The following CCDC68 variants were observed in gnomAD, a reference collection of about 807,000 sequenced individuals.
The protein encoded by CCDC68 is coiled-coil domain containing 68, also known as coiled-coil domain-containing protein 68.
CCDC68 carries 45 observed loss-of-function variants against 47.1 expected under a neutral mutation model. The observed-to-expected ratio is 0.96, with a 90% CI of 0.75 to 1.23. CCDC68 has a LOEUF of 1.23. Among genes scored for constraint, CCDC68 ranks in the 50% most tolerant of loss-of-function variants. CCDC68 has a pLI of 0.00. For missense variants in CCDC68, 353 were observed against 373.6 expected, an observed-to-expected ratio of 0.94 and a Z score of 0.45; for synonymous variants, 131 against 129.5, an observed-to-expected ratio of 1.01 and a Z score of -0.08.
chr18:54,913,511 T>C (rs970709495), intron 10 of CCDC68, among the ~76,000 whole-genome samples: 1 of 152,294 alleles, frequency 6.6e-6, no homozygotes, highest in Middle Eastern at 3.4e-3. Context: ...AGAAATTTAT[T>C]TACTATGAGG....
chr18:54,904,146 C>T lies in CCDC68; in HGVS notation c.*212G>A. On this transcript the variant is annotated 3_prime_UTR_variant, in exon 12 of 12. Transcript: ENST00000591504. ...TCCATCATGAGAAGGCACCTGGTTTCTTCAACTATTTGGTAAGTTTTGAAG... is the reference window on the plus strand; with the variant it reads ...TCCATCATGAGAAGGCACCTGGTTTTTTCAACTATTTGGTAAGTTTTGAAG... 1.1e-5 allele frequency: 4 copies of T among 380,752 alleles called. No individual in the cohort carries two copies. 23.6% of individuals were successfully genotyped at this position (380,752 alleles called of 1,614,324 possible). A position where few individuals can be genotyped will look rare whatever the true frequency, so the allele number is the denominator to read the frequency against.
chr18:54,926,081 G>A (rs1425883278), intron 8 of CCDC68, among the ~76,000 whole-genome samples: 2 of 152,176 alleles, frequency 1.3e-5, no homozygotes, highest in Admixed American at 6.5e-5. Flanking sequence ...TGCAACCTCA[G>A]CTTCAAGGTC....
intron 8 of CCDC68, among the ~76,000 whole-genome samples, chr18:54,922,326 A>C (rs2044074822): frequency 6.6e-6 from 1 of 152,146 alleles, no homozygotes; most frequent in Non-Finnish European, 1.5e-5. Flanking sequence ...GATGTTGGCA[A>C]ACATTCTGAA....
rs572864957 is a variant in CCDC68, at chr18:54,932,451, A to C, written c.600+2369T>G. Among the ~76,000 whole-genome samples, 17 of 152,152 alleles carry C rather than the reference A, an allele frequency of 1.1e-4. No individual in the cohort carries two copies. The East Asian group carries it at 3.1e-3, about 28-fold the overall frequency. ...AGCGATCCTCCTGCCTCAGCCTCCC[A>C]AAATGCTGGAATTACAGGCGTGAGC... On this transcript the variant is annotated intron_variant, in intron 7 of 11. Coordinates refer to ENST00000591504, the MANE Select transcript of CCDC68 (RefSeq NM_025214.3).
At chr18:54,904,961 C>T (rs1439285722) in intron 11 of CCDC68, among the ~76,000 whole-genome samples, 1 of 152,020 alleles carries the variant, frequency 6.6e-6, no homozygotes, top group Non-Finnish European at 1.5e-5. Context: ...CTCAAGCAAA[C>T]CACTCAAGAA....
intron 5 of CCDC68, 93 bp from the exon 6 acceptor site, chr18:54,937,051 A>G (rs1483601436): frequency 5.1e-6 from 6 of 1,185,134 alleles, no homozygotes; most frequent in Middle Eastern, 1.9e-4. Flanking sequence ...CACCAAAGGT[A>G]TAACTATACC....
intron 7 of CCDC68, 61 bp downstream of exon 7, chr18:54,934,759 T>C (rs1439979565): frequency 1.6e-6 from 2 of 1,222,422 alleles, no homozygotes; most frequent in Non-Finnish European, 2.2e-6. Context: ...TAGTATTATT[T>C]TATTTCATTC....
At chr18:54,917,840 GACACACAC>G (rs59686916) in intron 10 of CCDC68, 65 bp downstream of exon 10, 441,517 of 724,180 alleles carry the variant, frequency 0.61, 95,407 homozygotes, top group Admixed American at 0.67. Context: ...CACGTGCACA[GACACACAC>G]ACACACACAC....
chr18:54,943,086 A>C (rs1281741488), intron 2 of CCDC68: 1 of 246,470 alleles, frequency 4.1e-6, no homozygotes, highest in African/African-American at 2.3e-5. Flanking sequence ...GTAAAATCTA[A>C]AATCTCAGAC....
At chr18:54,914,205 T>C (rs1457985899) in intron 10 of CCDC68, among the ~76,000 whole-genome samples, 1 of 152,216 alleles carries the variant, frequency 6.6e-6, no homozygotes, top group African/African-American at 2.4e-5. Context: ...ATGGGTGTAG[T>C]AACATCCACT....
rs1488896871 is a variant in CCDC68, at chr18:54,941,006, T to C, written c.195A>G (p.Leu65=). 1.2e-6 allele frequency: 2 copies of C among 1,604,148 alleles called. No individual in the cohort carries two copies. Among genetic ancestry groups the C allele is most frequent in the South Asian group, 1.1e-5 (1 of 90,678 alleles). The change falls in exon 4 of 12, where the codon CTA becomes CTG. Residue 65 remains leucine, a synonymous_variant. Coordinates refer to ENST00000591504, the MANE Select transcript of CCDC68 (RefSeq NM_025214.3). ...EIRHDSTNHK[L]DAKHCGNLQQ... is the part of the protein sequence containing the mutation. ...TGCAGGAAATTATTACCTTTGCATC[T>C]AGTTTGTGATTTGTACTGTCATGTC...
In CCDC68 at chr18:54,919,255, A is replaced by C. The variant is rs781032635; in HGVS notation, c.789+16T>G. The C allele has an allele frequency of 5.0e-6, 8 of 1,594,966 alleles. No homozygotes were observed. The highest frequency in any genetic ancestry group is 1.7e-5 in the Admixed American group (1 of 59,978). The stretch of plus-strand genomic sequence containing the variant: ...AACATACTGTCTACCAGATAAATAC[A>C]CTTGATTAATCTGACCTCCTGGATG... On this transcript the variant is annotated intron_variant, in intron 9 of 11. Coordinates refer to ENST00000591504, the MANE Select transcript of CCDC68 (RefSeq NM_025214.3).
rs1199109225 is a variant in CCDC68, at chr18:54,936,906, C to A, written c.398G>T (p.Arg133Ile). The A allele has an allele frequency of 6.2e-7, 1 of 1,614,160 alleles. No individual in the cohort carries two copies. The highest frequency in any genetic ancestry group is 1.1e-5 in the South Asian group (1 of 91,082). Residue 133 changes from arginine to isoleucine, a missense_variant, in exon 6 of 12, where the codon AGA becomes ATA. Transcript: ENST00000591504. ...TTGCGTTTGGTAGTTTTCAAATAATCTCTGGGCCACGTTTCTCAGAGCTGC... is the reference window on the plus strand; with the variant it reads ...TTGCGTTTGGTAGTTTTCAAATAATATCTGGGCCACGTTTCTCAGAGCTGC... ...GAAALRNVAQRLFENYQTQSE... is the reference protein window; with the variant it reads ...GAAALRNVAQILFENYQTQSE...
intron 10 of CCDC68, among the ~76,000 whole-genome samples, chr18:54,913,944 T>C (rs1182467284): frequency 6.6e-6 from 1 of 152,200 alleles, no homozygotes; most frequent in African/African-American, 2.4e-5. Context: ...CTAATCCCTG[T>C]TACTCTGTGA....
chr18:54,955,844 A>G (rs1488403570), intron 1 of CCDC68, among the ~76,000 whole-genome samples: 2 of 152,154 alleles, frequency 1.3e-5, no homozygotes, highest in African/African-American at 2.4e-5. Context: ...CAGCCTCCCC[A>G]GGAGCTGGGA....
intron 1 of CCDC68, among the ~76,000 whole-genome samples, chr18:54,947,633 A>T (rs2044548817): frequency 6.6e-6 from 1 of 152,262 alleles, no homozygotes; most frequent in Non-Finnish European, 1.5e-5. Context: ...ATATTTGTCA[A>T]GCACTTATAG....
In CCDC68 at chr18:54,907,803, A is replaced by G; in HGVS notation, c.933T>C (p.Ser311=). ...GACCTTACCTTGTAGAGACAGCCTT[A>G]GATACCTTTGTCCTAGGAGTTTCAG... ...LSSETPRTKV[S]KAVSTSELKT... Residue 311 remains serine, a synonymous_variant, in exon 11 of 12, where the codon TCT becomes TCC. Transcript: ENST00000591504. 6.2e-7 allele frequency: 1 copy of G among 1,600,124 alleles called. No individual in the cohort carries two copies. Among genetic ancestry groups the G allele is most frequent in the Non-Finnish European group, 8.6e-7 (1 of 1,167,264 alleles).
In CCDC68 at chr18:54,942,712, GACGTAGACTC is replaced by G; in HGVS notation, c.70_79del (p.Glu24ProfsTer11). 6.2e-7 allele frequency: 1 copy of G among 1,610,954 alleles called. No individual in the cohort carries two copies. Among genetic ancestry groups the G allele is most frequent in the East Asian group, 2.2e-5 (1 of 44,708 alleles). ...CTCGGTTTCTTCAATAATGTGAGCGGACGTAGACTCATACAAGGCAGAATTATCTTCCATC... is the reference window on the plus strand; with the variant it reads ...CTCGGTTTCTTCAATAATGTGAGCGGATACAAGGCAGAATTATCTTCCATC... On this transcript the variant is annotated frameshift_variant, in exon 3 of 12. Coordinates refer to ENST00000591504, the MANE Select transcript of CCDC68 (RefSeq NM_025214.3). LOFTEE classifies it high-confidence loss of function.
At position 54,936,998 on chromosome 18, in the gene CCDC68, C is replaced by T. The variant is rs75453173; in HGVS notation, c.346-40G>A. ...ACTATGCATGTTCTGACATTTACAA[C>T]AAAAAGTGTTAAAGGCAGAACAGTT... On this transcript the variant is annotated intron_variant, in intron 5 of 11. Coordinates refer to ENST00000591504, the MANE Select transcript of CCDC68 (RefSeq NM_025214.3). 1,320 of 1,610,522 alleles carry T rather than the reference C, an allele frequency of 8.2e-4. 10 individuals are homozygous for T. In the African/African-American group the frequency reaches 0.015, roughly 18 times the overall value.
Sources: gnomAD v4.1 joint callset for allele counts (sites outside exome capture counted in the v4.1 genomes callset) on GRCh38, gnomAD v4.1.1 for gene constraint, MANE v1.5 for transcripts, NCBI Gene and HGNC (gene_info 2026-07-23, HGNC 2026-07-21) for gene names.